Variants in GABRR1 observed in about 807,000 individuals in gnomAD.
GABRR1 encodes gamma-aminobutyric acid receptor subunit rho-1.
Under a neutral mutation model 55.5 loss-of-function variants are expected in GABRR1, and 59 were observed. The ratio of observed to expected loss-of-function variants is 1.06; its 90% CI spans 0.86 to 1.32. The LOEUF (loss-of-function observed/expected upper bound fraction) is 1.32. Among genes scored for constraint, GABRR1 ranks in the 40% most tolerant of loss-of-function variants. The pLI is 0.00. For missense variants in GABRR1, 602 were observed against 619.1 expected, an observed-to-expected ratio of 0.97 and a Z score of 0.29; for synonymous variants, 213 against 226.0, an observed-to-expected ratio of 0.94 and a Z score of 0.51.
intron 1 of GABRR1, among the ~76,000 whole-genome samples, chr6:89,229,588 G>T (rs926591661): frequency 4.4e-5 from 6 of 136,468 alleles, no homozygotes; most frequent in Admixed American, 4.4e-4. Flanking sequence ...TTGAATATTG[G>T]CCCCCACTCT....
intron 7 of GABRR1, among the ~76,000 whole-genome samples, chr6:89,183,155 A>G (rs1771781992): frequency 1.2e-5 from 1 of 86,576 alleles, no homozygotes; most frequent in Non-Finnish European, 2.7e-5. Flanking sequence ...GGAAAAAAAA[A>G]AAGACAAAAA....
chr6:89,200,651 A>T (rs946402341), intron 3 of GABRR1, among the ~76,000 whole-genome samples: 5 of 152,102 alleles, frequency 3.3e-5, no homozygotes, highest in Admixed American at 1.3e-4. Context: ...GCTGAAACCC[A>T]GTAGCTGCAG....
intron 1 of GABRR1, 36 bp from the exon 2 acceptor site, chr6:89,203,521 A>C (rs746919564): frequency 6.7e-7 from 1 of 1,496,794 alleles, no homozygotes; most frequent in East Asian, 2.3e-5. Flanking sequence ...CATTGTAGAG[A>C]AAGTCTAGGT....
rs766203740 is a variant in GABRR1, at chr6:89,178,872, C to T, written c.1338G>A (p.Val446=). The T allele has an allele frequency of 5.0e-6, 8 of 1,614,200 alleles. No individual in the cohort carries two copies. Among genetic ancestry groups the T allele is most frequent in the Non-Finnish European group, 5.9e-6 (7 of 1,180,038 alleles). The change falls in exon 10 of 10, where the codon GTG becomes GTA. Residue 446 remains valine (V), a synonymous_variant. Coordinates refer to ENST00000454853, the MANE Select transcript of GABRR1 (RefSeq NM_002042.5). ...TGGCGTGGGTGTCGATTCTCATGCT[C>T]ACATAGCTGCTTCTCTGACTTTTCC... ...PQRKSQRSSY[V]SMRIDTHAID...
At chr6:89,180,602 C>T (rs1771688052) in intron 8 of GABRR1, 114 bp from the exon 9 acceptor site, 2 of 1,253,248 alleles carry the variant, frequency 1.6e-6, no homozygotes, top group South Asian at 1.5e-5. Flanking sequence ...ATGTCTCCAT[C>T]CCTGCTCCAC....
intron 1 of GABRR1, among the ~76,000 whole-genome samples, chr6:89,215,709 T>C (rs1772961522): frequency 6.6e-6 from 1 of 152,252 alleles, no homozygotes; most frequent in Non-Finnish European, 1.5e-5. Flanking sequence ...ATATTTGTGG[T>C]AATGGATACA....
Position 89,178,862 on chromosome 6 carries a change from T to A in GABRR1, c.1348A>T (p.Ile450Phe), listed in dbSNP as rs762600089. The stretch of plus-strand genomic sequence containing the variant: ...TATTTATCAATGGCGTGGGTGTCGA[T>A]TCTCATGCTCACATAGCTGCTTCTC... ...SQRSSYVSMR[I>F]DTHAIDKYSR... is the part of the protein sequence containing the mutation. Residue 450 changes from isoleucine to phenylalanine, a missense_variant, in exon 10 of 10, where the codon ATC becomes TTC. Physicochemically the swap from Ile to Phe is conservative, Grantham distance 21. Transcript: ENST00000454853. 1.4e-5 allele frequency: 23 copies of A among 1,614,076 alleles called. No homozygotes were observed. The highest frequency in any genetic ancestry group is 3.3e-4 in the Middle Eastern group (2 of 6,084).
At chr6:89,198,979 G>A (rs1026880101) in intron 4 of GABRR1, among the ~76,000 whole-genome samples, 1 of 152,062 alleles carries the variant, frequency 6.6e-6, no homozygotes, top group African/African-American at 2.4e-5. Context: ...AAGGGGGCGG[G>A]CGGGGGGAAA....
At chr6:89,224,077 G>GTTTGT (rs1451942429) in intron 1 of GABRR1, among the ~76,000 whole-genome samples, 15 of 150,950 alleles carry the variant, frequency 9.9e-5, no homozygotes, top group African/African-American at 3.2e-4. Context: ...GGTTTTGTTT[G>GTTTGT]TTTGTTTTGT....
intron 1 of GABRR1, among the ~76,000 whole-genome samples, chr6:89,225,260 CTT>C (rs142038772): frequency 6.6e-4 from 91 of 137,606 alleles, no homozygotes; most frequent in Non-Finnish European, 8.6e-4. Context: ...TTTCTGTTTG[CTT>C]TTTTTTTTTT....
intron 1 of GABRR1, among the ~76,000 whole-genome samples, chr6:89,224,358 C>G (rs1773163236): frequency 6.6e-6 from 1 of 152,178 alleles, no homozygotes; most frequent in South Asian, 2.1e-4. Context: ...TCCCAAAGAG[C>G]TGAGATTACA....
Position 89,198,056 on chromosome 6 carries a change from C to T in GABRR1, c.536G>A (p.Arg179Gln), listed in dbSNP as rs750851828. ...GAGCACTTTCCCATCAGGCTGGACC[C>T]GCAACATGACGTTGTCTGTGGTGGT... ...HDTTTDNVML[R>Q]VQPDGKVLYS... is the part of the protein sequence containing the mutation. The change falls in exon 5 of 10, where the codon CGG (arginine) becomes CAG (glutamine). Residue 179 changes from arginine (R) to glutamine (Q), a missense_variant. Arg to Gln is a conservative substitution (Grantham distance 43). Around this residue, in one of 3 missense-constraint regions of GABRR1, gnomAD observed 435 missense variants for 424.2 expected, o/e 1.03. Coordinates refer to ENST00000454853, the MANE Select transcript of GABRR1 (RefSeq NM_002042.5). 5 of 1,614,034 alleles carry T rather than the reference C, an allele frequency of 3.1e-6. No individual in the cohort carries two copies. Among genetic ancestry groups the T allele is most frequent in the East Asian group, 2.2e-5 (1 of 44,866 alleles).
intron 6 of GABRR1, 98 bp downstream of exon 6, chr6:89,190,067 C>A: frequency 2.7e-6 from 2 of 751,794 alleles, no homozygotes; most frequent in Non-Finnish European, 4.1e-6. Context: ...AAAGTCTACT[C>A]ATGAATAAGG....
chr6:89,180,539 C>T (rs1771686866), intron 8 of GABRR1, 51 bp from the exon 9 acceptor site: 4 of 1,593,318 alleles, frequency 2.5e-6, no homozygotes, highest in Non-Finnish European at 2.6e-6. Flanking sequence ...TCACCAAACA[C>T]AGGATGGTTT....
rs1772371130 is a variant in GABRR1 at position 89,198,486 on chromosome 6, T to C, written c.349-243A>G. On this transcript the variant is annotated intron_variant, in intron 4 of 9. Coordinates refer to ENST00000454853, the MANE Select transcript of GABRR1 (RefSeq NM_002042.5). ...CAGACAGTGTAAGTGTGCCTGGCCC[T>C]GCTTCAAGCCCCTGGCATTCACTCT... Among the ~76,000 whole-genome samples the C allele has an allele frequency of 2.0e-5, 3 of 151,958 alleles. No homozygotes were observed. In the South Asian group the frequency reaches 6.2e-4, roughly 32 times the overall value.
Position 89,178,451 on chromosome 6 carries a change from C to T in GABRR1, c.*319G>A, listed in dbSNP as rs958741008. ...CATGTGAATAGCATCAAGGGTCTAA[C>T]GGGTGGAACTAAATGTGCCCACAAC... On this transcript the variant is annotated 3_prime_UTR_variant, in exon 10 of 10. Coordinates refer to ENST00000454853, the MANE Select transcript of GABRR1 (RefSeq NM_002042.5). The T allele has an allele frequency of 2.9e-6, 1 of 349,534 alleles. No individual in the cohort carries two copies. Among genetic ancestry groups the T allele is most frequent in the Non-Finnish European group, 5.3e-6 (1 of 188,374 alleles). The allele number at this position is 349,534 out of a possible 1,614,324, so 21.7% of individuals were successfully genotyped here.
In GABRR1 at chr6:89,198,229, G is replaced by A; in HGVS notation, c.363C>T (p.Thr121=). ...ISEVDMDFTM[T]LYLRHYWKDE... Reference sequence around the variant, plus strand: ...CCTTCCAGTAGTGCCTCAGGTAGAGGGTCATCGTAAAGTCCTGGGAGCAGA... The same window carrying A: ...CCTTCCAGTAGTGCCTCAGGTAGAGAGTCATCGTAAAGTCCTGGGAGCAGA... Residue 121 remains threonine (T), a synonymous_variant, in exon 5 of 10, where the codon ACC becomes ACT. Coordinates refer to ENST00000454853, the MANE Select transcript of GABRR1 (RefSeq NM_002042.5). 2 of 1,613,838 alleles carry A rather than the reference G, an allele frequency of 1.2e-6. No homozygotes were observed. The highest frequency in any genetic ancestry group is 1.7e-6 in the Non-Finnish European group (2 of 1,179,828).
In GABRR1 at chr6:89,201,233, T is replaced by C; in HGVS notation, c.206A>G (p.Lys69Arg). The C allele has an allele frequency of 6.2e-7, 1 of 1,614,162 alleles. No homozygotes were observed. Among genetic ancestry groups the C allele is most frequent in the Middle Eastern group, 1.6e-4 (1 of 6,062 alleles). Residue 69 changes from lysine to arginine, a missense_variant, in exon 3 of 10, where the codon AAA (lysine) becomes AGA (arginine). By Grantham distance (26) the Lys-to-Arg change is conservative. Coordinates refer to ENST00000454853, the MANE Select transcript of GABRR1 (RefSeq NM_002042.5). ...PILRRSPDIT[K>R]SPLTKSEQLL... ...CTGTTCTGACTTTGTCAGAGGCGAT[T>C]TGGTGATGTCAGGACTTCGTCTCAG...
upstream of GABRR1, chr6:89,221,236 C>T (rs73501784): frequency 0.17 from 26,645 of 152,392 alleles, 2,533 homozygotes; most frequent in Middle Eastern, 0.26. Flanking sequence ...CTGCCCCAAG[C>T]CCTCAGAGCC....
Sources: gnomAD v4.1 joint callset for allele counts (sites outside exome capture counted in the v4.1 genomes callset) on GRCh38, gnomAD v4.1.1 for gene constraint, gnomAD v4.1.1 regional missense constraint, MANE v1.5 for transcripts, NCBI Gene and HGNC (gene_info 2026-07-23, HGNC 2026-07-21) for gene names.